IGF2BP2: variants seen among roughly 807,000 people sequenced by gnomAD.
IGF2BP2 encodes the protein insulin-like growth factor 2 mRNA-binding protein 2.
Under a neutral mutation model 75.8 loss-of-function variants are expected in IGF2BP2, and 17 were observed. The ratio of observed to expected loss-of-function variants is 0.22; its 90% CI spans 0.15 to 0.34. The LOEUF (loss-of-function observed/expected upper bound fraction) is 0.34. IGF2BP2 is among the 10% of genes least tolerant of loss of function. IGF2BP2 has a pLI of 1.00. For missense variants in IGF2BP2, 516 were observed against 772.4 expected (o/e 0.67, Z 3.93); for synonymous variants, 288 against 295.6 (o/e 0.97, Z 0.26).
chr3:185,741,763 G>A (rs1220345356), intron 2 of IGF2BP2, among the ~76,000 whole-genome samples: 1 of 152,238 alleles, frequency 6.6e-6, no homozygotes, highest in Admixed American at 6.5e-5. Flanking sequence ...CCCACCATGA[G>A]TGGGAGTTCC....
intron 7 of IGF2BP2, 57 bp downstream of exon 7, chr3:185,687,000 A>G (rs996132241): frequency 2.5e-6 from 4 of 1,579,332 alleles, no homozygotes; most frequent in Admixed American, 1.9e-5. Flanking sequence ...GGGTTAAATG[A>G]GGGAGAATCT....
At chr3:185,772,058 C>T (rs191147931) in intron 2 of IGF2BP2, among the ~76,000 whole-genome samples, 1 of 152,144 alleles carries the variant, frequency 6.6e-6, no homozygotes, top group Non-Finnish European at 1.5e-5. Context: ...GTTTCTATTA[C>T]TCAGAACCAA....
rs1719191553 is a variant in IGF2BP2, at chr3:185,675,492, A to T, written c.936-61T>A. 2.5e-6 allele frequency: 4 copies of T among 1,577,558 alleles called. No individual in the cohort carries two copies. In the African/African-American group the frequency reaches 4.1e-5, roughly 16 times the overall value. On this transcript the variant is annotated intron_variant, in intron 8 of 15. Transcript: ENST00000382199. Reference sequence around the variant, plus strand: ...AACGGGAAAAATAAAATGCCCAAAAAATAAAAAAATCACAAACAAGTTTTG... The same window carrying T: ...AACGGGAAAAATAAAATGCCCAAAATATAAAAAAATCACAAACAAGTTTTG...
intron 9 of IGF2BP2, among the ~76,000 whole-genome samples, chr3:185,673,225 T>G (rs528594802): frequency 6.6e-6 from 1 of 152,346 alleles, no homozygotes; most frequent in African/African-American, 2.4e-5. Flanking sequence ...TTTAGTTACC[T>G]CTTCCCCTTT....
In IGF2BP2 at chr3:185,677,044, G is replaced by GATATATATATATATATATAT. The variant is rs1164588813; in HGVS notation, c.813-1151_813-1132dup. 1.0e-3 allele frequency among the ~76,000 whole-genome samples: 25 copies of GATATATATATATATATATAT among 23,846 alleles called. 5 individuals carry two copies. Among genetic ancestry groups the GATATATATATATATATATAT allele is most frequent in the South Asian group, 4.4e-3 (2 of 450 alleles). The allele number at this position is 23,846 out of a possible 152,430, so 15.6% of individuals were successfully genotyped here. On this transcript the variant is annotated intron_variant, in intron 7 of 15. Coordinates refer to ENST00000382199, the MANE Select transcript of IGF2BP2 (RefSeq NM_006548.6). ...GGAGAGAGATATATATATATATGGAGATATATATATATATATATATATATA... is the reference window on the plus strand; with the variant it reads ...GGAGAGAGATATATATATATATGGAGATATATATATATATATATATATATATATATATATATATATATATA...
intron 10 of IGF2BP2, among the ~76,000 whole-genome samples, chr3:185,671,423 G>A (rs1200766774): frequency 6.6e-6 from 1 of 151,610 alleles, no homozygotes; most frequent in African/African-American, 2.4e-5. Flanking sequence ...TGTAATCCCA[G>A]CTACTTGGGA....
rs1577773543 is a variant in IGF2BP2 at position 185,645,200 on chromosome 3, A to C, written c.*331T>G. 3.0e-6 allele frequency: 1 copy of C among 337,528 alleles called. No homozygotes were observed. Among genetic ancestry groups the C allele is most frequent in the East Asian group, 5.1e-5 (1 of 19,660 alleles). 20.9% of individuals were successfully genotyped at this position (337,528 alleles called of 1,614,324 possible). A position where few individuals can be genotyped will look rare whatever the true frequency, so the allele number is the denominator to read the frequency against. ...ATTTTGCTTGGCTTTGAACACGTTC[A>C]CCTATGTTAGTTCAACTAAAAGGGA... On this transcript the variant is annotated 3_prime_UTR_variant, in exon 16 of 16. Transcript: ENST00000382199. This position sits in a 1 kb window ranked among gnomAD's most constrained non-coding sequence, Gnocchi z 4.9.
In IGF2BP2 at chr3:185,716,633, A is replaced by G. The variant is rs760912061; in HGVS notation, c.240-18286T>C. On this transcript the variant is annotated intron_variant, in intron 2 of 15. Coordinates refer to ENST00000382199, the MANE Select transcript of IGF2BP2 (RefSeq NM_006548.6). ...TCTTCGGGGGCAGGTAGGGAAGCAC[A>G]GCACCAGCCCTCAGCTGTCTTGGGC... 7.7e-6 allele frequency: 4 copies of G among 519,978 alleles called. No homozygotes were observed. In the East Asian group the frequency reaches 1.6e-4, roughly 21 times the overall value. 32.2% of individuals were successfully genotyped at this position (519,978 alleles called of 1,614,324 possible).
Position 185,710,017 on chromosome 3 carries a change from G to C in IGF2BP2, c.240-11670C>G, listed in dbSNP as rs1724574234. ...GCTAAGCACTTATGTTAGGTGTTGG[G>C]GTACAGTAGTGAACAGAACAAAAAT... is the stretch of plus-strand genomic sequence containing the variant. On this transcript the variant is annotated intron_variant, in intron 2 of 15. Transcript: ENST00000382199. 2.0e-5 allele frequency among the ~76,000 whole-genome samples: 3 copies of C among 151,976 alleles called. No homozygotes were observed. In the South Asian group the frequency reaches 6.2e-4, roughly 32 times the overall value.
At chr3:185,649,660 ACAGGAAGCTGCGTGCCCCAGC>A (rs1461478941) in intron 13 of IGF2BP2, 126 bp from the exon 14 acceptor site, 6 of 1,305,858 alleles carry the variant, frequency 4.6e-6, no homozygotes, top group Non-Finnish European at 6.3e-6. Context: ...CCTGGGACAC[ACAGGAAGCTGCGTGCCCCAGC>A]CTCCGCTCAC....
chr3:185,731,734 G>C (rs1421008122), intron 2 of IGF2BP2, among the ~76,000 whole-genome samples: 1 of 151,940 alleles, frequency 6.6e-6, no homozygotes, highest in Non-Finnish European at 1.5e-5. Context: ...CAGCACTTTG[G>C]GAGGCCGAGG....
chr3:185,742,480 A>G (rs1729695378), intron 2 of IGF2BP2, among the ~76,000 whole-genome samples: 1 of 151,870 alleles, frequency 6.6e-6, no homozygotes, highest in Non-Finnish European at 1.5e-5. Flanking sequence ...TGGGCAACAG[A>G]GTGAGACTCC....
intron 2 of IGF2BP2, among the ~76,000 whole-genome samples, chr3:185,754,626 T>G (rs189724321): frequency 2.6e-5 from 4 of 151,964 alleles, no homozygotes; most frequent in Non-Finnish European, 5.9e-5. Flanking sequence ...GGTTAAATGG[T>G]TGTGACTAAA....
chr3:185,691,184 T>C (rs139824175), intron 5 of IGF2BP2, among the ~76,000 whole-genome samples: 482 of 152,282 alleles, frequency 3.2e-3, no homozygotes, highest in African/African-American at 0.011. Context: ...CTGCAACCTC[T>C]GCCTCCCAAG....
chr3:185,696,420 C>A (rs1204813935), intron 4 of IGF2BP2, 192 bp downstream of exon 4: 8 of 583,354 alleles, frequency 1.4e-5, no homozygotes, highest in Non-Finnish European at 2.1e-5. Context: ...ACTACATAGA[C>A]ATACATAGAA....
intron 12 of IGF2BP2, among the ~76,000 whole-genome samples, chr3:185,654,288 G>T (rs935985977): frequency 5.9e-5 from 9 of 152,170 alleles, no homozygotes; most frequent in Non-Finnish European, 1.0e-4. Context: ...CCAGGGGTCT[G>T]ACACCCTCTG....
intron 2 of IGF2BP2, among the ~76,000 whole-genome samples, chr3:185,815,305 G>C (rs1441259229): frequency 6.6e-6 from 1 of 151,970 alleles, no homozygotes; most frequent in East Asian, 1.9e-4. Context: ...TCTCAGCATA[G>C]GTTTTATATA....
At chr3:185,807,252 G>T (rs988529053) in intron 2 of IGF2BP2, among the ~76,000 whole-genome samples, 1 of 152,122 alleles carries the variant, frequency 6.6e-6, no homozygotes, top group Non-Finnish European at 1.5e-5. Context: ...CTCTTCAGGG[G>T]AAAGAAAGGT....
chr3:185,726,765 T>G (rs944688356), intron 2 of IGF2BP2, among the ~76,000 whole-genome samples: 1 of 152,170 alleles, frequency 6.6e-6, no homozygotes, highest in Non-Finnish European at 1.5e-5. Flanking sequence ...TAGATTCCTT[T>G]TGTGTCAGTA....
Sources: allele counts gnomAD v4.1 joint callset (sites outside exome capture counted in the v4.1 genomes callset), GRCh38; gene constraint gnomAD v4.1.1; non-coding constraint Gnocchi (gnomAD v3.1); transcripts MANE v1.5; gene names NCBI Gene and HGNC (gene_info 2026-07-23, HGNC 2026-07-21).